The following SORCS2 variants were observed in gnomAD, a reference collection of about 807,000 sequenced individuals.
SORCS2 encodes the protein sortilin related VPS10 domain containing receptor 2, also known as VPS10 domain-containing receptor SorCS2.
A neutral mutation model predicts 141.6 loss-of-function variants in SORCS2; 100 were observed. The observed-to-expected ratio is 0.71, with a 90% CI of 0.60 to 0.83. The LOEUF (loss-of-function observed/expected upper bound fraction) is 0.83. SORCS2 is among the 40% of genes least tolerant of loss of function. SORCS2 has a pLI of 0.00. For missense variants in SORCS2, 1,646 were observed against 1,560.2 expected, an observed-to-expected ratio of 1.05 and a Z score of -0.93; for synonymous variants, 789 against 676.9, an observed-to-expected ratio of 1.17 and a Z score of -2.57.
intron 8 of SORCS2, among the ~76,000 whole-genome samples, chr4:7,671,343 A>G (rs1002419694): frequency 1.1e-5 from 1 of 89,540 alleles, no homozygotes; most frequent in Non-Finnish European, 2.0e-5. Context: ...CATTCAAAAG[A>G]AAAAAAAAAT....
chr4:7,650,808 G>A (rs1721400354), intron 4 of SORCS2, among the ~76,000 whole-genome samples: 1 of 149,400 alleles, frequency 6.7e-6, no homozygotes, highest in South Asian at 2.1e-4. Context: ...CCTGTGAGGC[G>A]GCGCCAGCGA....
At chr4:7,245,593 T>C (rs1403907110) in intron 1 of SORCS2, among the ~76,000 whole-genome samples, 2 of 152,212 alleles carry the variant, frequency 1.3e-5, no homozygotes, top group South Asian at 2.1e-4. Flanking sequence ...TGCCTCCCAG[T>C]GCAAGGTCGT....
Position 7,345,590 on chromosome 4 carries a change from T to C in SORCS2, c.481-50698T>C, listed in dbSNP as rs1577426132. Among the ~76,000 whole-genome samples, 2 of 150,222 alleles carry C rather than the reference T, an allele frequency of 1.3e-5. 1 individual carries two copies. The highest frequency in any genetic ancestry group is 5.1e-5 in the African/African-American group (2 of 39,602). On this transcript the variant is annotated intron_variant, in intron 1 of 26. Coordinates refer to ENST00000507866, the MANE Select transcript of SORCS2 (RefSeq NM_020777.3). ...CTAGACAAGTCCTAGGACCTCTCCA[T>C]AGACAAGTCCTAGGACCTCTCCAAA...
At chr4:7,676,309 C>T (rs3733599) in intron 9 of SORCS2, 80 bp downstream of exon 9, 2 of 1,424,570 alleles carry the variant, frequency 1.4e-6, no homozygotes, top group African/African-American at 1.4e-5. Context: ...TTCCTCCCCC[C>T]TCCCCTCCCG....
chr4:7,606,182 T>A (rs909087761), intron 3 of SORCS2, among the ~76,000 whole-genome samples: 1 of 152,162 alleles, frequency 6.6e-6, no homozygotes, highest in Non-Finnish European at 1.5e-5. Context: ...TGGAAAGATC[T>A]TACCTGACAA....
chr4:7,415,776 G>T (rs1725627857), intron 2 of SORCS2, among the ~76,000 whole-genome samples: 1 of 152,366 alleles, frequency 6.6e-6, no homozygotes, highest in South Asian at 2.1e-4. Context: ...ACCTAATTTT[G>T]TAAACATTCT....
At chr4:7,283,230 T>A (rs968163438) in intron 1 of SORCS2, among the ~76,000 whole-genome samples, 2 of 152,298 alleles carry the variant, frequency 1.3e-5, no homozygotes, top group African/African-American at 4.8e-5. Context: ...GCATGTGTGA[T>A]ATGACATAAA....
At chr4:7,272,070 G>C (rs1027027317) in intron 1 of SORCS2, among the ~76,000 whole-genome samples, 5 of 152,222 alleles carry the variant, frequency 3.3e-5, no homozygotes, top group African/African-American at 4.8e-5. Flanking sequence ...TTTCCAATGG[G>C]AGGTGCTTTT....
At chr4:7,534,521 T>C (rs28386951) in intron 3 of SORCS2, among the ~76,000 whole-genome samples, 33,937 of 152,156 alleles carry the variant, frequency 0.22, 4,258 homozygotes, top group African/African-American at 0.32. Flanking sequence ...CAAAAGGGAC[T>C]TTGCAAATGG....
intron 1 of SORCS2, among the ~76,000 whole-genome samples, chr4:7,296,107 C>T (rs1717030737): frequency 6.6e-6 from 1 of 152,218 alleles, no homozygotes; most frequent in Admixed American, 6.5e-5. Flanking sequence ...CCTGCCTGGC[C>T]TCTTCCTCTT....
intron 3 of SORCS2, among the ~76,000 whole-genome samples, chr4:7,548,311 T>C (rs1352213083): frequency 6.6e-6 from 1 of 152,198 alleles, no homozygotes; most frequent in Non-Finnish European, 1.5e-5. Context: ...CTTGGCCTCG[T>C]GGGCAGTGAG....
At chr4:7,722,873 T>G (rs909599731) in intron 18 of SORCS2, among the ~76,000 whole-genome samples, 1 of 152,176 alleles carries the variant, frequency 6.6e-6, no homozygotes, top group African/African-American at 2.4e-5. Flanking sequence ...GCTAAGTGGT[T>G]AGTAATCACG....
intron 3 of SORCS2, among the ~76,000 whole-genome samples, chr4:7,631,804 C>T (rs569518563): frequency 1.3e-5 from 2 of 151,654 alleles, no homozygotes; most frequent in Admixed American, 6.6e-5. Context: ...TTCACAGGGT[C>T]GGAAATCCAT....
chr4:7,511,706 C>T (rs1177723589), intron 2 of SORCS2, among the ~76,000 whole-genome samples: 4 of 152,156 alleles, frequency 2.6e-5, no homozygotes, highest in African/African-American at 9.7e-5. Flanking sequence ...AAGGCTGCTG[C>T]AGCTTGTTTC....
intron 1 of SORCS2, among the ~76,000 whole-genome samples, chr4:7,388,715 C>G (rs4689720): frequency 2.6e-5 from 4 of 151,788 alleles, no homozygotes; most frequent in African/African-American, 9.7e-5. Context: ...GTGCCCTTGA[C>G]CTCTCCCGCT....
At chr4:7,410,786 T>C (rs1246409442) in intron 2 of SORCS2, among the ~76,000 whole-genome samples, 1 of 151,694 alleles carries the variant, frequency 6.6e-6, no homozygotes, top group Non-Finnish European at 1.5e-5. Flanking sequence ...ATTCAATAAA[T>C]AATTCACTGT....
intron 2 of SORCS2, among the ~76,000 whole-genome samples, chr4:7,438,900 T>C (rs979286682): frequency 6.6e-6 from 1 of 152,166 alleles, no homozygotes. Flanking sequence ...TTGTTTTTGA[T>C]GCCTAAATTG....
At chr4:7,221,702 G>A (rs1278718413) in intron 1 of SORCS2, among the ~76,000 whole-genome samples, 1 of 152,240 alleles carries the variant, frequency 6.6e-6, no homozygotes, top group Non-Finnish European at 1.5e-5. Context: ...GGAGGCAAAA[G>A]CCAACACTCA....
At chr4:7,268,790 G>C (rs1714918282) in intron 1 of SORCS2, among the ~76,000 whole-genome samples, 1 of 152,224 alleles carries the variant, frequency 6.6e-6, no homozygotes, top group African/African-American at 2.4e-5. Flanking sequence ...TCTTAAAGCA[G>C]GTGCAGCAGG....
Sources: gnomAD v4.1 joint callset for allele counts (sites outside exome capture counted in the v4.1 genomes callset) on GRCh38, gnomAD v4.1.1 for gene constraint, MANE v1.5 for transcripts, NCBI Gene and HGNC (gene_info 2026-07-23, HGNC 2026-07-21) for gene names.